The following WWC2 variants were observed in gnomAD, a reference collection of about 807,000 sequenced individuals.
WWC2 encodes protein WWC2.
A neutral mutation model predicts 138.5 loss-of-function variants in WWC2; 101 were observed. That is an observed-to-expected ratio of 0.73 (90% CI 0.62 to 0.86). The LOEUF (loss-of-function observed/expected upper bound fraction) is 0.86, where lower values mean the gene tolerates loss of function less well. Ranked by LOEUF, WWC2 falls within the 40% of genes least tolerant of loss-of-function variation. WWC2 has a pLI of 0.00. For missense variants in WWC2, 1,420 were observed against 1,419.4 expected, an observed-to-expected ratio of 1.00 and a Z score of -0.01; for synonymous variants, 558 against 538.4, an observed-to-expected ratio of 1.04 and a Z score of -0.50.
chr4:183,264,855 C>T (rs1335257013), intron 11 of WWC2, 123 bp from the exon 12 acceptor site: 3 of 1,064,014 alleles, frequency 2.8e-6, no homozygotes, highest in Non-Finnish European at 1.3e-6. Context: ...TGAATATTAA[C>T]ATCCTTGACT....
At position 183,162,259 on chromosome 4, in the gene WWC2, A is replaced by T. The variant is rs377314714; in HGVS notation, c.132-31340A>T. Among the ~76,000 whole-genome samples, 27 of 152,188 alleles carry T rather than the reference A, an allele frequency of 1.8e-4. 2 individuals carry two copies. The highest frequency in any genetic ancestry group is 1.4e-3 in the Admixed American group (22 of 15,284). ...TAATGTTTCAAATTGCAGTATACTA[A>T]ATACTATTTTTACTATATTTTTCAT... On this transcript the variant is annotated intron_variant, in intron 1 of 22. Coordinates refer to ENST00000403733, the MANE Select transcript of WWC2 (RefSeq NM_024949.6).
chr4:183,284,076 A>C, intron 18 of WWC2, 150 bp from the exon 19 acceptor site: 2 of 837,264 alleles, frequency 2.4e-6, no homozygotes, highest in Non-Finnish European at 3.6e-6. Context: ...GAAGTACTAT[A>C]GTCTGTAATG....
chr4:183,239,876 G>A (rs1344403528), intron 4 of WWC2, among the ~76,000 whole-genome samples: 1 of 152,180 alleles, frequency 6.6e-6, no homozygotes, highest in African/African-American at 2.4e-5. Flanking sequence ...TTATAGAGAT[G>A]CCATGACTTG....
Position 183,271,133 on chromosome 4 carries a change from T to A in WWC2, c.2454T>A (p.Thr818=). 1 of 1,612,416 alleles carries A rather than the reference T, an allele frequency of 6.2e-7. No homozygotes were observed. The highest frequency in any genetic ancestry group is 8.5e-7 in the Non-Finnish European group (1 of 1,179,178). The part of the protein sequence containing the change: ...ADLPFSSEVF[T]LWYNLLPSKQ... ...TACCATTTTCCAGTGAGGTTTTCAC[T>A]CTATGGTATAACTTGCTTCCTTCCA... Residue 818 remains threonine (T), a synonymous_variant, in exon 16 of 23, where the codon ACT becomes ACA. Coordinates refer to ENST00000403733, the MANE Select transcript of WWC2 (RefSeq NM_024949.6).
chr4:183,182,649 C>A (rs1734664889), intron 1 of WWC2, among the ~76,000 whole-genome samples: 1 of 3,470 alleles, frequency 2.9e-4, no homozygotes, highest in East Asian at 0.062. Flanking sequence ...GAGATAAATT[C>A]TGTTATGTCT....
Position 183,207,989 on chromosome 4 carries a change from G to A in WWC2, c.278G>A (p.Arg93Lys), listed in dbSNP as rs149262297. The change falls in exon 3 of 23, where the codon AGG becomes AAG. Residue 93 changes from arginine to lysine, a missense_variant. Arg to Lys is a conservative substitution (Grantham distance 26). Coordinates refer to ENST00000403733, the MANE Select transcript of WWC2 (RefSeq NM_024949.6). ...TQIEDPRKQW[R>K]GEQEKMLKDY... is the part of the protein sequence containing the mutation. ...ATAGAAGATCCAAGAAAACAATGGAGGGGGGAACAGGAGAAGATGCTCAAG... is the reference window on the plus strand; with the variant it reads ...ATAGAAGATCCAAGAAAACAATGGAAGGGGGAACAGGAGAAGATGCTCAAG... 2 of 1,612,682 alleles carry A rather than the reference G, an allele frequency of 1.2e-6. No homozygotes were observed. Among genetic ancestry groups the A allele is most frequent in the East Asian group, 2.2e-5 (1 of 44,836 alleles).
chr4:183,103,667 C>T (rs1743255298), intron 1 of WWC2, among the ~76,000 whole-genome samples: 1 of 129,756 alleles, frequency 7.7e-6, no homozygotes, highest in Non-Finnish European at 1.6e-5. Flanking sequence ...GAGACGGAGT[C>T]TTGCTGTGTC....
chr4:183,124,839 A>C (rs116236109), intron 1 of WWC2, among the ~76,000 whole-genome samples: 1 of 152,022 alleles, frequency 6.6e-6, no homozygotes, highest in African/African-American at 2.4e-5. Flanking sequence ...TCTGCCTGCT[A>C]TGTTGTGATT....
intron 1 of WWC2, among the ~76,000 whole-genome samples, chr4:183,155,865 A>C (rs565240756): frequency 6.6e-6 from 1 of 152,198 alleles, no homozygotes; most frequent in Non-Finnish European, 1.5e-5. Flanking sequence ...CTGTCTGTCA[A>C]GGTTGGTGGT....
chr4:183,300,601 A>C (rs1738802611), intron 21 of WWC2, among the ~76,000 whole-genome samples: 1 of 152,216 alleles, frequency 6.6e-6, no homozygotes, highest in South Asian at 2.1e-4. Context: ...GCTGATAATA[A>C]TTCTATATGT....
In WWC2 at chr4:183,245,644, C is replaced by T. The variant is rs954739661; in HGVS notation, c.732+99C>T. ...GTGCTCCCTCAGAGTCTGGATGACC[C>T]TTCTACCTCTGCCACATTTGTGCAG... On this transcript the variant is annotated intron_variant, in intron 6 of 22. Coordinates refer to ENST00000403733, the MANE Select transcript of WWC2 (RefSeq NM_024949.6). 18 of 1,323,556 alleles carry T rather than the reference C, an allele frequency of 1.4e-5. No individual in the cohort carries two copies. The African/African-American group carries it at 2.8e-4, about 20-fold the overall frequency. 82.0% of individuals were successfully genotyped at this position (1,323,556 alleles called of 1,614,324 possible). A position where few individuals can be genotyped will look rare whatever the true frequency, so the allele number is the denominator to read the frequency against.
At chr4:183,175,512 A>G (rs1734441523) in intron 1 of WWC2, among the ~76,000 whole-genome samples, 1 of 152,066 alleles carries the variant, frequency 6.6e-6, no homozygotes. Flanking sequence ...ATCGGCCCAC[A>G]TCAGTCTCCC....
At chr4:183,298,745 C>T (rs964516396) in intron 21 of WWC2, among the ~76,000 whole-genome samples, 1 of 152,164 alleles carries the variant, frequency 6.6e-6, no homozygotes, top group Non-Finnish European at 1.5e-5. Context: ...CTTCTAGTTA[C>T]AGAATTTTGT....
At chr4:183,288,518 G>C (rs959929789) in intron 20 of WWC2, among the ~76,000 whole-genome samples, 2 of 152,054 alleles carry the variant, frequency 1.3e-5, no homozygotes, top group African/African-American at 4.8e-5. Flanking sequence ...CCCTGACCCT[G>C]AGTGATCCAT....
chr4:183,165,882 A>T (rs1436970908), intron 1 of WWC2, among the ~76,000 whole-genome samples: 1 of 152,244 alleles, frequency 6.6e-6, no homozygotes, highest in Non-Finnish European at 1.5e-5. Context: ...TTTCTGTCAT[A>T]GTAAAAGAGT....
chr4:183,116,180 C>G (rs1732403439), intron 1 of WWC2, among the ~76,000 whole-genome samples: 2 of 152,158 alleles, frequency 1.3e-5, no homozygotes, highest in African/African-American at 4.8e-5. Context: ...GTTTTTCTAA[C>G]ATGTTCCATT....
intron 4 of WWC2, 102 bp from the exon 5 acceptor site, chr4:183,240,081 T>G: frequency 1.3e-6 from 1 of 778,006 alleles, no homozygotes; most frequent in Non-Finnish European, 2.0e-6. Context: ...AACTCATGGC[T>G]TTGTTTATGT....
At chr4:183,269,500 C>T (rs1288037822) in intron 15 of WWC2, 1 of 501,274 alleles carries the variant, frequency 2.0e-6, no homozygotes, top group Non-Finnish European at 4.0e-6. Flanking sequence ...TGCGTGACTG[C>T]TGTGTATATA....
chr4:183,306,675 C>T (rs569394359), intron 21 of WWC2, among the ~76,000 whole-genome samples: 6 of 150,852 alleles, frequency 4.0e-5, no homozygotes, highest in African/African-American at 7.3e-5. Context: ...TATAGGCGCA[C>T]GCCACCACAC....
Sources: gnomAD v4.1 joint callset for allele counts (sites outside exome capture counted in the v4.1 genomes callset) on GRCh38, gnomAD v4.1.1 for gene constraint, MANE v1.5 for transcripts, NCBI Gene and HGNC (gene_info 2026-07-23, HGNC 2026-07-21) for gene names.